The following PRIM2 variants were observed in gnomAD, a reference collection of about 807,000 sequenced individuals.
PRIM2 encodes the protein DNA primase large subunit.
Under a neutral mutation model 67.3 loss-of-function variants are expected in PRIM2, and 39 were observed. The observed-to-expected ratio is 0.58, with a 90% CI of 0.45 to 0.76. The LOEUF is 0.76. PRIM2 is among the 30% of genes least tolerant of loss of function. The pLI is 0.00. For missense variants in PRIM2, 398 were observed against 598.7 expected (o/e 0.66, Z 3.50); for synonymous variants, 143 against 198.7 (o/e 0.72, Z 2.36).
At chr6:57,452,609 T>C (rs2127391302) in intron 7 of PRIM2, among the ~76,000 whole-genome samples, 1 of 152,342 alleles carries the variant, frequency 6.6e-6, no homozygotes, top group African/African-American at 2.4e-5. Context: ...TTTATATCCT[T>C]TGCCCACTTG....
the PRIM2 span, among the ~76,000 whole-genome samples, chr6:57,256,383 A>G: frequency 2.0e-5 from 3 of 152,176 alleles, no homozygotes; most frequent in Non-Finnish European, 4.4e-5. Context: ...TATTTCTTCC[A>G]TTATAAGATC....
intron 7 of PRIM2, among the ~76,000 whole-genome samples, chr6:57,417,246 C>T (rs569009854): frequency 2.6e-5 from 4 of 152,240 alleles, no homozygotes; most frequent in East Asian, 1.9e-4. Flanking sequence ...GGATTACAGG[C>T]GTGAGCCAGC....
intron 7 of PRIM2, among the ~76,000 whole-genome samples, chr6:57,391,246 G>A (rs1385885745): frequency 6.8e-6 from 1 of 146,318 alleles, no homozygotes; most frequent in Non-Finnish European, 1.5e-5. Flanking sequence ...TTTATCTCTT[G>A]TATATTTAAA....
At chr6:57,333,742 T>C (rs879613560) in intron 5 of PRIM2, among the ~76,000 whole-genome samples, 2 of 152,174 alleles carry the variant, frequency 1.3e-5, no homozygotes, top group Non-Finnish European at 2.9e-5. Context: ...ATTTTCTATT[T>C]ATTTATTTTT....
chr6:57,626,014 A>G (rs1776943863), intron 12 of PRIM2, among the ~76,000 whole-genome samples: 1 of 152,236 alleles, frequency 6.6e-6, no homozygotes, highest in African/African-American at 2.4e-5. Context: ...AGCCCAGTCT[A>G]GTTTTGAAAG....
chr6:57,558,292 A>G (rs1457302491), intron 10 of PRIM2, among the ~76,000 whole-genome samples: 5 of 152,190 alleles, frequency 3.3e-5, no homozygotes, highest in Admixed American at 6.5e-5. Flanking sequence ...AGAAAGTAGT[A>G]AGCATAGTAG....
intron 8 of PRIM2, among the ~76,000 whole-genome samples, chr6:57,523,313 A>T (rs1294914073): frequency 6.6e-6 from 1 of 151,744 alleles, no homozygotes; most frequent in South Asian, 2.1e-4. Flanking sequence ...TCACACAGGT[A>T]GTGACTGTAT....
chr6:57,345,253 G>A lies in PRIM2; in HGVS notation c.459+19208G>A, dbSNP rs1768632742. Among the ~76,000 whole-genome samples the A allele has an allele frequency of 2.0e-5, 3 of 151,972 alleles. No homozygotes were observed. In the East Asian group the frequency reaches 5.8e-4, roughly 29 times the overall value. ...GCTCACTGCAACCTTTGCCTCCTGA[G>A]TTCAAGGGTTTCTCTTGCCTCAGCC... On this transcript the variant is annotated intron_variant, in intron 5 of 13. Transcript: ENST00000615550.
At chr6:57,563,266 C>G (rs1370983815) in intron 10 of PRIM2, among the ~76,000 whole-genome samples, 2 of 145,710 alleles carry the variant, frequency 1.4e-5, no homozygotes, top group Non-Finnish European at 3.0e-5. Context: ...ATGAAGTGTA[C>G]TCACCACTGA....
chr6:57,477,020 T>G (rs1773493448), intron 7 of PRIM2, among the ~76,000 whole-genome samples: 1 of 152,234 alleles, frequency 6.6e-6, no homozygotes, highest in Non-Finnish European at 1.5e-5. Context: ...TTATTGGGCC[T>G]CACTCTGTCA....
the PRIM2 span, among the ~76,000 whole-genome samples, chr6:57,238,318 G>A: frequency 2.6e-5 from 4 of 152,132 alleles, no homozygotes; most frequent in Non-Finnish European, 5.9e-5. Context: ...TGGAAGTAAA[G>A]CACTCCTCAG....
chr6:57,225,488 T>G, the PRIM2 span, among the ~76,000 whole-genome samples: 2 of 152,226 alleles, frequency 1.3e-5, no homozygotes, highest in African/African-American at 4.8e-5. Context: ...AGCAACAGAA[T>G]TAACCTAAAA....
At chr6:57,264,193 A>C in the PRIM2 span, among the ~76,000 whole-genome samples, 439 of 152,108 alleles carry the variant, frequency 2.9e-3, 2 homozygotes, top group Middle Eastern at 0.014. Context: ...TTACATTTTC[A>C]GCATCCTAAT....
chr6:57,442,307 G>C (rs895839627), intron 7 of PRIM2, among the ~76,000 whole-genome samples: 2 of 152,056 alleles, frequency 1.3e-5, no homozygotes, highest in Non-Finnish European at 2.9e-5. Flanking sequence ...CATTGTAGCA[G>C]ATGACTTACT....
At chr6:57,571,710 TCTTA>T (rs1324144468) in intron 10 of PRIM2, among the ~76,000 whole-genome samples, 2 of 152,150 alleles carry the variant, frequency 1.3e-5, no homozygotes, top group African/African-American at 4.8e-5. Flanking sequence ...TGCATTCCCT[TCTTA>T]CTTAAGAAAC....
intron 10 of PRIM2, among the ~76,000 whole-genome samples, chr6:57,580,875 A>C (rs1323681898): frequency 1.3e-5 from 2 of 152,226 alleles, no homozygotes; most frequent in African/African-American, 2.4e-5. Flanking sequence ...TTAAAATTCT[A>C]TCAAAATAGG....
chr6:57,600,385 G>A (rs1296291454), intron 10 of PRIM2, among the ~76,000 whole-genome samples: 4 of 151,312 alleles, frequency 2.6e-5, no homozygotes, highest in Admixed American at 6.6e-5. Flanking sequence ...TTGAGACTGG[G>A]TCTCACTATG....
chr6:57,389,105 T>G (rs946175497), intron 7 of PRIM2, among the ~76,000 whole-genome samples: 1 of 152,094 alleles, frequency 6.6e-6, no homozygotes, highest in Non-Finnish European at 1.5e-5. Flanking sequence ...TTTATTTTTA[T>G]TTTTATTTTT....
At chr6:57,594,014 A>T (rs1157748795) in intron 10 of PRIM2, among the ~76,000 whole-genome samples, 7 of 152,204 alleles carry the variant, frequency 4.6e-5, no homozygotes, top group Non-Finnish European at 1.0e-4. Flanking sequence ...TCTTGTATCT[A>T]ATTAAATTCA....
Sources: gnomAD v4.1 joint callset for allele counts (sites outside exome capture counted in the v4.1 genomes callset) on GRCh38, gnomAD v4.1.1 for gene constraint, MANE v1.5 for transcripts, NCBI Gene and HGNC (gene_info 2026-07-23, HGNC 2026-07-21) for gene names.